Variants in ITIH2 observed in about 807,000 individuals in gnomAD.
ITIH2 encodes the protein inter-alpha-trypsin inhibitor heavy chain 2.
Under a neutral mutation model 104.4 loss-of-function variants are expected in ITIH2, and 103 were observed. The observed-to-expected ratio is 0.99, with a 90% CI of 0.84 to 1.16. ITIH2 has a LOEUF of 1.16. Ranked by LOEUF, ITIH2 falls within the 50% of genes most tolerant of loss-of-function variation. The pLI, the probability that ITIH2 is intolerant of heterozygous loss-of-function variation, is 0.00. For synonymous variants in ITIH2, 436 were observed against 435.4 expected (o/e 1.00, Z -0.02); for missense variants, 1,108 against 1,162.4 (o/e 0.95, Z 0.68).
At chr10:7,721,293 C>T (rs1431410151) in intron 7 of ITIH2, among the ~76,000 whole-genome samples, 1 of 152,194 alleles carries the variant, frequency 6.6e-6, no homozygotes, top group African/African-American at 2.4e-5. Flanking sequence ...CAGCTCTCTG[C>T]CTCAATGACC....
intron 15 of ITIH2, among the ~76,000 whole-genome samples, chr10:7,737,657 A>C (rs1187523310): frequency 4.7e-5 from 4 of 85,664 alleles, no homozygotes; most frequent in Non-Finnish European, 5.8e-5. Context: ...TCTATATTAT[A>C]TTCTATATTA....
chr10:7,742,276 A>C (rs1835134274), intron 16 of ITIH2, among the ~76,000 whole-genome samples: 1 of 151,294 alleles, frequency 6.6e-6, no homozygotes, highest in African/African-American at 2.4e-5. Flanking sequence ...GCGGGAGGGG[A>C]GGGGAAGCAA....
chr10:7,748,518 ATTCTTTTTT>A (rs1835202163), intron 20 of ITIH2, among the ~76,000 whole-genome samples: 2 of 29,008 alleles, frequency 6.9e-5, no homozygotes, highest in Admixed American at 9.8e-4. Flanking sequence ...CCGCCAATGC[ATTCTTTTTT>A]TTTTTTTTTT....
intron 1 of ITIH2, 118 bp downstream of exon 1, chr10:7,703,636 C>A: frequency 3.0e-6 from 2 of 671,422 alleles, no homozygotes; most frequent in African/African-American, 1.8e-5. Context: ...AGATAAAATT[C>A]ATCTGAGTGC....
In ITIH2 at chr10:7,705,172, G is replaced by A. The variant is rs773227319; in HGVS notation, c.149G>A (p.Arg50Gln). ...AAATTTCAATTGGTGGCAGAGAACC[G>A]GAGATATCAGGTATAGTAAGGTTTA... ...PGKFQLVAEN[R>Q]RYQRSLPGES... Residue 50 changes from arginine to glutamine, a missense_variant, in exon 2 of 21, where the codon CGG becomes CAG. By Grantham distance (43) the Arg-to-Gln change is conservative. Coordinates refer to ENST00000358415, the MANE Select transcript of ITIH2 (RefSeq NM_002216.3). 1.2e-5 allele frequency: 20 copies of A among 1,607,240 alleles called. No homozygotes were observed. Among genetic ancestry groups the A allele is most frequent in the Admixed American group, 6.7e-5 (4 of 59,944 alleles).
rs763491223 is a variant in ITIH2 at position 7,732,339 on chromosome 10, C to A, written c.1649C>A (p.Ala550Asp). Residue 550 changes from alanine to aspartate, a missense_variant and splice_region_variant, in exon 14 of 21, where the codon GCT becomes GAT. Coordinates refer to ENST00000358415, the MANE Select transcript of ITIH2 (RefSeq NM_002216.3). ...QIESVITATS[A>D]NTQLVLETLA... Reference sequence around the variant, plus strand: ...TCAACTGAACCTTCCATCATCTAGGCTAACACGCAGTTAGTCTTGGAGACC... The same window carrying A: ...TCAACTGAACCTTCCATCATCTAGGATAACACGCAGTTAGTCTTGGAGACC... 7.4e-6 allele frequency: 12 copies of A among 1,613,078 alleles called. No homozygotes were observed. The highest frequency in any genetic ancestry group is 1.0e-5 in the Non-Finnish European group (12 of 1,179,284).
intron 5 of ITIH2, among the ~76,000 whole-genome samples, chr10:7,715,806 A>T (rs1834843706): frequency 6.6e-6 from 1 of 152,106 alleles, no homozygotes; most frequent in South Asian, 2.1e-4. Flanking sequence ...CAGTGGCGTG[A>T]TCTCGCTCAC....
At chr10:7,734,176 A>G (rs1315198747) in intron 14 of ITIH2, among the ~76,000 whole-genome samples, 3 of 152,162 alleles carry the variant, frequency 2.0e-5, no homozygotes, top group African/African-American at 7.2e-5. Flanking sequence ...TAGAATGTAC[A>G]ACACCAAGGG....
chr10:7,738,513 C>A, intron 15 of ITIH2, 108 bp from the exon 16 acceptor site: 1 of 1,285,326 alleles, frequency 7.8e-7, no homozygotes, highest in African/African-American at 1.5e-5. Context: ...AGGAGAAAAA[C>A]CTAAGCTGAC....
Position 7,746,771 on chromosome 10 carries a change from T to G in ITIH2, c.2693+67T>G, listed in dbSNP as rs1007391061. 24 of 944,954 alleles carry G rather than the reference T, an allele frequency of 2.5e-5. 1 individual carries two copies. The East Asian group carries it at 5.5e-4, about 22-fold the overall frequency. 58.5% of individuals were successfully genotyped at this position (944,954 alleles called of 1,614,324 possible). A position where few individuals can be genotyped will look rare whatever the true frequency, so the allele number is the denominator to read the frequency against. On this transcript the variant is annotated intron_variant, in intron 20 of 20. Transcript: ENST00000358415. ...TTAGAATTAGACCCACACAGCAAAA[T>G]AGAGGAGCAAAGAAGAAGTGTCGTA...
At chr10:7,714,653 C>T (rs1211100061) in intron 5 of ITIH2, among the ~76,000 whole-genome samples, 2 of 152,158 alleles carry the variant, frequency 1.3e-5, no homozygotes, top group African/African-American at 2.4e-5. Context: ...AACACAAAAG[C>T]GGACACCGTC....
chr10:7,721,999 G>T (rs1834908601), intron 8 of ITIH2, among the ~76,000 whole-genome samples: 1 of 152,100 alleles, frequency 6.6e-6, no homozygotes, highest in South Asian at 2.1e-4. Context: ...TCCCAGGAGG[G>T]CATTCCTGGG....
chr10:7,723,354 C>T (rs1834924313), intron 8 of ITIH2, 97 bp from the exon 9 acceptor site: 3 of 804,088 alleles, frequency 3.7e-6, no homozygotes, highest in East Asian at 2.4e-5. Flanking sequence ...CTCCTCCTCC[C>T]TGTAGACCCC....
rs544404160 is a variant in ITIH2 at position 7,708,728 on chromosome 10, G to A, written c.193-294G>A. Among the ~76,000 whole-genome samples, 43 of 152,020 alleles carry A rather than the reference G, an allele frequency of 2.8e-4. 1 individual carries two copies. In the South Asian group the frequency reaches 3.7e-3, roughly 13 times the overall value. ...TCAATCCAATCTGGCTTCCCACACC[G>A]TTTTCTACTTGTATTCTAATTTTTG... On this transcript the variant is annotated intron_variant, in intron 3 of 20. Transcript: ENST00000358415.
chr10:7,737,022 G>T (rs966944496), intron 15 of ITIH2, among the ~76,000 whole-genome samples: 6 of 151,978 alleles, frequency 3.9e-5, no homozygotes, highest in Non-Finnish European at 7.4e-5. Context: ...GCAAAGAATT[G>T]GAAGCCCTGT....
chr10:7,742,625 C>T (rs577004069), intron 16 of ITIH2, among the ~76,000 whole-genome samples: 1 of 152,154 alleles, frequency 6.6e-6, no homozygotes, highest in East Asian at 1.9e-4. Flanking sequence ...ATGGATGTTG[C>T]CCCAGCTACT....
At chr10:7,731,725 A>AAAAT (rs1835004563) in intron 12 of ITIH2, 86 bp from the exon 13 acceptor site, 4 of 1,041,292 alleles carry the variant, frequency 3.8e-6, no homozygotes, top group Middle Eastern at 2.8e-4. Context: ...ACATCGTCTC[A>AAAAT]AAATAAATAA....
chr10:7,705,351 A>G (rs935479387), intron 2 of ITIH2, among the ~76,000 whole-genome samples, 169 bp downstream of exon 2: 3 of 152,208 alleles, frequency 2.0e-5, no homozygotes, highest in Non-Finnish European at 4.4e-5. Flanking sequence ...AGGTGAAATA[A>G]AAAGAGAAAC....
At chr10:7,708,383 G>T (rs1834766235) in intron 3 of ITIH2, among the ~76,000 whole-genome samples, 1 of 152,288 alleles carries the variant, frequency 6.6e-6, no homozygotes, top group Middle Eastern at 3.4e-3. Context: ...GGGTAAGGAG[G>T]TCCAGAGTGT....
Sources: gnomAD v4.1 joint callset for allele counts (sites outside exome capture counted in the v4.1 genomes callset) on GRCh38, gnomAD v4.1.1 for gene constraint, MANE v1.5 for transcripts, NCBI Gene and HGNC (gene_info 2026-07-23, HGNC 2026-07-21) for gene names.